Variants in CARD14 observed in about 807,000 individuals in gnomAD.
CARD14 encodes caspase recruitment domain family member 14, also known as caspase recruitment domain-containing protein 14.
CARD14 carries 107 observed loss-of-function variants against 111.5 expected under a neutral mutation model. That is an observed-to-expected ratio of 0.96 (90% CI 0.82 to 1.13). CARD14 has a LOEUF of 1.13. Among genes scored for constraint, CARD14 ranks in the 50% most tolerant of loss-of-function variants. CARD14 has a pLI of 0.00. For synonymous variants in CARD14, 617 were observed against 579.6 expected, an observed-to-expected ratio of 1.06 and a Z score of -0.93; for missense variants, 1,322 against 1,362.3, an observed-to-expected ratio of 0.97 and a Z score of 0.47.
chr17:80,191,384 C>T lies in CARD14; in HGVS notation c.1151C>T (p.Ser384Phe), dbSNP rs780034490. 10 of 1,613,936 alleles carry T rather than the reference C, an allele frequency of 6.2e-6. No homozygotes were observed. Among genetic ancestry groups the T allele is most frequent in the Non-Finnish European group, 8.5e-6 (10 of 1,180,014 alleles). Reference protein sequence around the residue: ...EISQSLVEKDSLRRQVFELTD... With the variant: ...EISQSLVEKDFLRRQVFELTD... ...TCCCAGAGCCTGGTGGAGAAGGACTCCCTCCGCAGGCAGGTGTTCGAGCTG... is the reference window on the plus strand; with the variant it reads ...TCCCAGAGCCTGGTGGAGAAGGACTTCCTCCGCAGGCAGGTGTTCGAGCTG... The change falls in exon 11 of 24, where the codon TCC becomes TTC. Residue 384 changes from serine to phenylalanine, a missense_variant. Coordinates refer to ENST00000648509, the MANE Select transcript of CARD14 (RefSeq NM_001366385.1).
At position 80,209,177 on chromosome 17, in the gene CARD14, CCCCTGCCTCCT is replaced by C. The variant is rs2041520275; in HGVS notation, c.*833_*843del. The C allele has an allele frequency of 2.3e-6, 1 of 428,874 alleles. No individual in the cohort carries two copies. Among genetic ancestry groups the C allele is most frequent in the African/African-American group, 2.1e-5 (1 of 46,566 alleles). The allele number at this position is 428,874 out of a possible 1,614,324, so 26.6% of individuals were successfully genotyped here. ...CCAGGTCCGCCAGCACCTGGCCTTG[CCCCTGCCTCCT>C]GGGGCTGTTGCAGACTGAATGTCAT... On this transcript the variant is annotated 3_prime_UTR_variant, in exon 24 of 24. Coordinates refer to ENST00000648509, the MANE Select transcript of CARD14 (RefSeq NM_001366385.1).
Position 80,195,656 on chromosome 17 carries a change from A to G in CARD14, c.1594+4A>G, listed in dbSNP as rs754070226. Reference sequence around the variant, plus strand: ...TATGAGCTCCTAGACACGGCAGGTGAGCACGCCCAACCCTGAACCTCCACA... The same window carrying G: ...TATGAGCTCCTAGACACGGCAGGTGGGCACGCCCAACCCTGAACCTCCACA... On this transcript the variant is annotated splice_donor_region_variant and intron_variant, in intron 14 of 23. Transcript: ENST00000648509. The surrounding 1 kb of genome is among the most constrained non-coding windows in gnomAD (Gnocchi z 4.7). The G allele has an allele frequency of 6.8e-6, 11 of 1,609,838 alleles. No individual in the cohort carries two copies. In the South Asian group the frequency reaches 1.2e-4, roughly 18 times the overall value.
Position 80,203,617 on chromosome 17 carries a change from C to T in CARD14, c.2220-205C>T, listed in dbSNP as rs1388264568. On this transcript the variant is annotated intron_variant, in intron 18 of 23. Transcript: ENST00000648509. The surrounding 1 kb of genome is among the most constrained non-coding windows in gnomAD (Gnocchi z 4.6). The stretch of plus-strand genomic sequence containing the variant: ...CAGCATCTCCAGGGGTGGGCCGAGG[C>T]CCTGGAGTCTTTTGAAAGCTCTGGA... 4 of 519,054 alleles carry T rather than the reference C, an allele frequency of 7.7e-6. No homozygotes were observed. In the African/African-American group the frequency reaches 7.9e-5, roughly 10 times the overall value. 32.2% of individuals were successfully genotyped at this position (519,054 alleles called of 1,614,324 possible). A position where few individuals can be genotyped will look rare whatever the true frequency, so the allele number is the denominator to read the frequency against.
Position 80,183,960 on chromosome 17 carries a change from G to A in CARD14, c.397G>A (p.Gly133Ser), listed in dbSNP as rs141488664. 6 of 1,549,468 alleles carry A rather than the reference G, an allele frequency of 3.9e-6. No homozygotes were observed. The highest frequency in any genetic ancestry group is 1.4e-5 in the African/African-American group (1 of 73,462). Residue 133 changes from glycine to serine, a missense_variant, in exon 7 of 24, where the codon GGC (glycine) becomes AGC (serine). By Grantham distance (56) the Gly-to-Ser change is moderately conservative. Coordinates refer to ENST00000648509, the MANE Select transcript of CARD14 (RefSeq NM_001366385.1). ...KLTECLAGAI[G>S]SLQEELNQEK... ...GACCGAGTGCCTGGCTGGGGCCATC[G>A]GCAGCCTGCAGGAGGAGCTGAACCA... is the stretch of plus-strand genomic sequence containing the variant.
At chr17:80,173,378 A>G (rs983795294) in intron 2 of CARD14, 150 bp downstream of exon 2, 1 of 152,832 alleles carries the variant, frequency 6.5e-6, no homozygotes, top group Non-Finnish European at 1.5e-5. Flanking sequence ...GATTGGATGA[A>G]TGGATGGATG....
chr17:80,187,502 C>A (rs1261146155), intron 7 of CARD14, among the ~76,000 whole-genome samples: 1 of 152,234 alleles, frequency 6.6e-6, no homozygotes, highest in Non-Finnish European at 1.5e-5. Flanking sequence ...TCCCTTCCAG[C>A]TCTGACTTGA....
At chr17:80,193,484 C>T (rs2040602583) in intron 12 of CARD14, among the ~76,000 whole-genome samples, 1 of 152,210 alleles carries the variant, frequency 6.6e-6, no homozygotes, top group Non-Finnish European at 1.5e-5. Flanking sequence ...CTGTCCTCAC[C>T]CTTTGGCAAA....
chr17:80,179,558 C>A (rs1046443918), intron 4 of CARD14, among the ~76,000 whole-genome samples: 5 of 152,170 alleles, frequency 3.3e-5, no homozygotes, highest in East Asian at 3.9e-4. Context: ...TTTAAAATAT[C>A]ATTTTTAGGC....
Position 80,184,057 on chromosome 17 carries a change from C to T in CARD14, c.494C>T (p.Thr165Ile). 6.3e-7 allele frequency: 1 copy of T among 1,586,790 alleles called. No homozygotes were observed. The highest frequency in any genetic ancestry group is 8.6e-7 in the Non-Finnish European group (1 of 1,167,154). The part of the protein sequence containing the change: ...QLQEHLGLAE[T>I]RAEGLHQLEA... ...CAGGAGCACCTGGGCCTGGCCGAGA[C>T]CCGTGCCGAGGGCCTGCACCAGCTG... Residue 165 changes from threonine (T) to isoleucine (I), a missense_variant, in exon 7 of 24, where the codon ACC (threonine) becomes ATC (isoleucine). By Grantham distance (89) the Thr-to-Ile change is moderately conservative (BLOSUM62 -1). Transcript: ENST00000648509.
intron 1 of CARD14, among the ~76,000 whole-genome samples, chr17:80,172,630 G>C (rs12950270): frequency 0.69 from 104,894 of 151,842 alleles, 36,629 homozygotes; most frequent in Middle Eastern, 0.85. Context: ...GCCTCCCCTT[G>C]CCATGATGCC....
chr17:80,183,467 A>G (rs369614377), intron 6 of CARD14, among the ~76,000 whole-genome samples: 2 of 152,198 alleles, frequency 1.3e-5, no homozygotes, highest in African/African-American at 4.8e-5. Flanking sequence ...ATGAGTTAGC[A>G]CTGAGTGCAT....
At chr17:80,192,038 T>C (rs1344422454) in intron 11 of CARD14, 2 of 155,182 alleles carry the variant, frequency 1.3e-5, no homozygotes, top group African/African-American at 2.4e-5. Flanking sequence ...CCTTACCCCC[T>C]GCATGGCAAG....
intron 12 of CARD14, among the ~76,000 whole-genome samples, chr17:80,193,378 A>G (rs4889834): frequency 0.077 from 6,591 of 85,198 alleles, 313 homozygotes; most frequent in South Asian, 0.14. Flanking sequence ...GACAGTCCCC[A>G]GACATGAGTT....
chr17:80,187,242 T>C lies in CARD14; in HGVS notation c.676-1135T>C, dbSNP rs145373828. ...ATCTCAAATCGTTTCAGAATCACTCTGCCCATACCACTGCCATTAACAGCC... is the reference window on the plus strand; with the variant it reads ...ATCTCAAATCGTTTCAGAATCACTCCGCCCATACCACTGCCATTAACAGCC... On this transcript the variant is annotated intron_variant, in intron 7 of 23. Coordinates refer to ENST00000648509, the MANE Select transcript of CARD14 (RefSeq NM_001366385.1). Among the ~76,000 whole-genome samples, 564 of 152,322 alleles carry C rather than the reference T, an allele frequency of 3.7e-3. 3 individuals carry two copies. The highest frequency in any genetic ancestry group is 5.6e-3 in the Non-Finnish European group (380 of 68,026).
At chr17:80,187,710 G>T (rs1046363831) in intron 7 of CARD14, 1 of 978,088 alleles carries the variant, frequency 1.0e-6, no homozygotes, top group African/African-American at 1.7e-5. Context: ...CTTGCCTCAC[G>T]GGGAAAGTCC....
rs1473615176 is a variant in CARD14 at position 80,201,176 on chromosome 17, A to G, written c.1852-568A>G. On this transcript the variant is annotated intron_variant, in intron 16 of 23. Coordinates refer to ENST00000648509, the MANE Select transcript of CARD14 (RefSeq NM_001366385.1). The surrounding 1 kb of genome is among the most constrained non-coding windows in gnomAD (Gnocchi z 5.0). ...TTAGATTCTAATGGTGTTAAAACAC[A>G]TCTTAATTTTTATTGTAAAAATATC... The G allele has an allele frequency of 6.5e-6, 1 of 154,682 alleles. No homozygotes were observed. The highest frequency in any genetic ancestry group is 2.4e-5 in the African/African-American group (1 of 41,458). 9.6% of individuals were successfully genotyped at this position (154,682 alleles called of 1,614,324 possible). A position where few individuals can be genotyped will look rare whatever the true frequency, so the allele number is the denominator to read the frequency against.
Position 80,208,309 on chromosome 17 carries a change from G to A in CARD14, c.2979G>A (p.Gln993=), listed in dbSNP as rs2144641245. 1 of 1,605,918 alleles carries A rather than the reference G, an allele frequency of 6.2e-7. No homozygotes were observed. Among genetic ancestry groups the A allele is most frequent in the Admixed American group, 1.7e-5 (1 of 58,898 alleles). ...SCVRQAIADE[Q]KKVVWTEQSP... ...TCCGCCAGGCCATCGCCGACGAGCA[G>A]AAGAAGGTGGTGTGGACGGAGCAGA... The change falls in exon 24 of 24, where the codon CAG becomes CAA. Residue 993 remains glutamine (Q), a synonymous_variant. Coordinates refer to ENST00000648509, the MANE Select transcript of CARD14 (RefSeq NM_001366385.1).
intron 20 of CARD14, 163 bp downstream of exon 20, chr17:80,204,504 A>G: frequency 1.6e-6 from 1 of 607,398 alleles, no homozygotes; most frequent in Admixed American, 3.4e-5. Flanking sequence ...CACACCTGTA[A>G]TCCCAGATAC....
chr17:80,180,982 C>T (rs920747737), intron 4 of CARD14, among the ~76,000 whole-genome samples: 2 of 151,860 alleles, frequency 1.3e-5, no homozygotes, highest in Admixed American at 6.6e-5. Flanking sequence ...AGGCTGGTCT[C>T]GAACTCTTAG....
Sources: gnomAD v4.1 joint callset for allele counts (sites outside exome capture counted in the v4.1 genomes callset) on GRCh38, gnomAD v4.1.1 for gene constraint, Gnocchi (gnomAD v3.1) non-coding constraint, MANE v1.5 for transcripts, NCBI Gene and HGNC (gene_info 2026-07-23, HGNC 2026-07-21) for gene names.